The following RASAL1 variants were observed in gnomAD, a reference collection of about 807,000 sequenced individuals.
RASAL1 encodes the protein rasGAP-activating-like protein 1.
A neutral mutation model predicts 96.6 loss-of-function variants in RASAL1; 72 were observed. That is an observed-to-expected ratio of 0.75 (90% CI 0.62 to 0.91). RASAL1 has a LOEUF of 0.91. RASAL1 is among the 40% of genes least tolerant of loss of function. The probability of loss-of-function intolerance (pLI) is 0.00; values close to 1 mark genes in which losing one functional copy is unlikely to be tolerated. For synonymous variants in RASAL1, 405 were observed against 430.4 expected (o/e 0.94, Z 0.73); for missense variants, 1,016 against 1,072.5 (o/e 0.95, Z 0.74).
chr12:113,130,914 T>G lies in RASAL1; in HGVS notation c.93A>C (p.Leu31=), dbSNP rs765206681. Residue 31 remains leucine, a synonymous_variant, in exon 2 of 21, where the codon CTA becomes CTC. Coordinates refer to ENST00000548055, the MANE Select transcript of RASAL1 (RefSeq NM_001301202.2). This position sits in a 1 kb window ranked among gnomAD's most constrained non-coding sequence, Gnocchi z 5.1. The part of the protein sequence containing the change: ...DVSGSSDPYC[L]VKVDDEVVAR... ...CCACCACCTCGTCGTCCACTTTCAC[T>G]AGGCAGTAGGGGTCGCTGCTCCCAG... The G allele has an allele frequency of 7.4e-6, 12 of 1,613,468 alleles. No homozygotes were observed. The highest frequency in any genetic ancestry group is 9.3e-6 in the Non-Finnish European group (11 of 1,179,768).
intron 8 of RASAL1, 68 bp downstream of exon 8, chr12:113,117,005 G>T: frequency 7.5e-7 from 1 of 1,331,954 alleles, no homozygotes; most frequent in Non-Finnish European, 1.0e-6. Context: ...CATGGGCTCT[G>T]CCCGCAAGCT....
chr12:113,105,169 C>T (rs369912213), intron 16 of RASAL1, among the ~76,000 whole-genome samples: 22 of 152,362 alleles, frequency 1.4e-4, no homozygotes, highest in Admixed American at 9.8e-4. Context: ...GATTCCAGCA[C>T]GTGTCTCGGG....
At chr12:113,110,114 C>T (rs1329556220) in intron 13 of RASAL1, among the ~76,000 whole-genome samples, 1 of 152,176 alleles carries the variant, frequency 6.6e-6, no homozygotes, top group Non-Finnish European at 1.5e-5. Context: ...CCACTTAACA[C>T]CTCTGCTGGC....
chr12:113,127,062 TA>T lies in RASAL1; in HGVS notation c.298+749del, dbSNP rs1171366001. 1.6e-4 allele frequency among the ~76,000 whole-genome samples: 23 copies of T among 143,778 alleles called. 1 individual carries two copies. Among genetic ancestry groups the T allele is most frequent in the Admixed American group, 4.1e-4 (6 of 14,592 alleles). 94.3% of individuals were successfully genotyped at this position (143,778 alleles called of 152,430 possible). ...TTTGCTGCTGTTATTATTTTTAAAT[TA>T]TTTTTAGTAGCAATGGGGTCTCCCT... On this transcript the variant is annotated intron_variant, in intron 4 of 20. Coordinates refer to ENST00000548055, the MANE Select transcript of RASAL1 (RefSeq NM_001301202.2).
Position 113,103,934 on chromosome 12 carries a change from C to A in RASAL1, c.2104+12G>T. 1 of 1,550,066 alleles carries A rather than the reference C, an allele frequency of 6.5e-7. No homozygotes were observed. The highest frequency in any genetic ancestry group is 8.7e-7 in the Non-Finnish European group (1 of 1,151,002). On this transcript the variant is annotated intron_variant, in intron 18 of 20. Transcript: ENST00000548055. ...GGGAGGGCGGAGCCTGCAGTCCGCC[C>A]TGCCCCCTCACCTGAGCGCTCAGCC...
Position 113,115,572 on chromosome 12 carries a change from C to A in RASAL1, c.1003+63G>T. On this transcript the variant is annotated intron_variant, in intron 10 of 20. Coordinates refer to ENST00000548055, the MANE Select transcript of RASAL1 (RefSeq NM_001301202.2). The surrounding 1 kb of genome is among the most constrained non-coding windows in gnomAD (Gnocchi z 4.1). ...GCCTGAGGCCTCCCCATTCCTCCCCCAGGACCCTCCTGCAAGCCCACCATT... is the reference window on the plus strand; with the variant it reads ...GCCTGAGGCCTCCCCATTCCTCCCCAAGGACCCTCCTGCAAGCCCACCATT... The A allele has an allele frequency of 6.3e-7, 1 of 1,579,690 alleles. No individual in the cohort carries two copies. The highest frequency in any genetic ancestry group is 1.2e-5 in the South Asian group (1 of 85,444).
intron 1 of RASAL1, among the ~76,000 whole-genome samples, chr12:113,132,715 C>T (rs542840651): frequency 1.2e-4 from 18 of 152,278 alleles, no homozygotes; most frequent in African/African-American, 3.8e-4. Context: ...CCCTGTGCCT[C>T]GGTTTCCCTC....
At position 113,135,256 on chromosome 12, in the gene RASAL1, A is replaced by T; in HGVS notation, c.65+142T>A. 1 of 749,246 alleles carries T rather than the reference A, an allele frequency of 1.3e-6. No individual in the cohort carries two copies. Among genetic ancestry groups the T allele is most frequent in the Non-Finnish European group, 2.1e-6 (1 of 472,662 alleles). 46.4% of individuals were successfully genotyped at this position (749,246 alleles called of 1,614,324 possible). ...TGGGCATGCGGCCTCTCGCCCCTTT[A>T]AAGCGGAACTGCCCCAAGACCAGTC... On this transcript the variant is annotated intron_variant, in intron 1 of 20. Coordinates refer to ENST00000548055, the MANE Select transcript of RASAL1 (RefSeq NM_001301202.2). The surrounding 1 kb of genome is among the most constrained non-coding windows in gnomAD (Gnocchi z 5.7).
intron 2 of RASAL1, among the ~76,000 whole-genome samples, chr12:113,128,985 AC>A (rs1181317226): frequency 6.6e-6 from 1 of 151,886 alleles, no homozygotes; most frequent in Non-Finnish European, 1.5e-5. Context: ...ACACACACAC[AC>A]ACACACACAC....
intron 12 of RASAL1, among the ~76,000 whole-genome samples, chr12:113,114,049 G>A (rs1410284002): frequency 1.3e-5 from 2 of 152,304 alleles, no homozygotes; most frequent in African/African-American, 2.4e-5. Context: ...CTCAGTTAAC[G>A]GAGCAGAGGT....
chr12:113,130,898 C>G lies in RASAL1; in HGVS notation c.109G>C (p.Glu37Gln). ...DPYCLVKVDD[E>Q]VVARTATVWR... ...GCCACCCCTCACCTGGCCACCACCT[C>G]GTCGTCCACTTTCACTAGGCAGTAG... The change falls in exon 2 of 21, where the codon GAG becomes CAG. Residue 37 changes from glutamate (E) to glutamine (Q), a missense_variant. By Grantham distance (29) the Glu-to-Gln change is conservative (BLOSUM62 2). Transcript: ENST00000548055. The surrounding 1 kb of genome is among the most constrained non-coding windows in gnomAD (Gnocchi z 5.1). 1 of 1,613,552 alleles carries G rather than the reference C, an allele frequency of 6.2e-7. No homozygotes were observed. Among genetic ancestry groups the G allele is most frequent in the Non-Finnish European group, 8.5e-7 (1 of 1,179,754 alleles).
intron 1 of RASAL1, among the ~76,000 whole-genome samples, chr12:113,134,234 T>A (rs534643054): frequency 2.0e-5 from 3 of 152,296 alleles, no homozygotes; most frequent in South Asian, 4.1e-4. Flanking sequence ...CCAATGAGGA[T>A]GAAGGGTGGC....
chr12:113,120,926 GC>G (rs1433366974), intron 5 of RASAL1, among the ~76,000 whole-genome samples: 2 of 152,166 alleles, frequency 1.3e-5, no homozygotes, highest in Admixed American at 6.5e-5. Context: ...ATAGACATGT[GC>G]CCCAGCTTGA....
At chr12:113,126,093 C>T (rs1340340101) in intron 4 of RASAL1, among the ~76,000 whole-genome samples, 2 of 150,722 alleles carry the variant, frequency 1.3e-5, no homozygotes, top group Admixed American at 6.6e-5. Context: ...GAGACCAGCC[C>T]GGCCAACATG....
At position 113,135,368 on chromosome 12, in the gene RASAL1, C is replaced by G. The variant is rs374625798; in HGVS notation, c.65+30G>C. On this transcript the variant is annotated intron_variant, in intron 1 of 20. Coordinates refer to ENST00000548055, the MANE Select transcript of RASAL1 (RefSeq NM_001301202.2). The surrounding 1 kb of genome is among the most constrained non-coding windows in gnomAD (Gnocchi z 5.7). The stretch of plus-strand genomic sequence containing the variant: ...GCCCCACCCCAGGCCTTGCGCGCCC[C>G]TCACCCAGAAGCGCCCGAGGAGTAC... 2 of 1,595,768 alleles carry G rather than the reference C, an allele frequency of 1.3e-6. No homozygotes were observed. Among genetic ancestry groups the G allele is most frequent in the East Asian group, 2.3e-5 (1 of 43,550 alleles).
intron 1 of RASAL1, among the ~76,000 whole-genome samples, chr12:113,132,220 G>A (rs1034331390): frequency 4.0e-5 from 6 of 151,898 alleles, no homozygotes; most frequent in African/African-American, 1.5e-4. Context: ...TAATCCACCC[G>A]CCTCGGCCTC....
At position 113,104,172 on chromosome 12, in the gene RASAL1, GGTA is replaced by G. The variant is rs1667244843; in HGVS notation, c.1954_1956del (p.Tyr652del). 1 of 1,610,368 alleles carries G rather than the reference GGTA, an allele frequency of 6.2e-7. No individual in the cohort carries two copies. Among genetic ancestry groups the G allele is most frequent in the Non-Finnish European group, 8.5e-7 (1 of 1,177,794 alleles). On this transcript the variant is annotated inframe_deletion, in exon 17 of 21. Coordinates refer to ENST00000548055, the MANE Select transcript of RASAL1 (RefSeq NM_001301202.2). Reference sequence around the variant, plus strand: ...CGGTGGGGTCTCACCTTGCACTGGAGGTAGGTGGTGTGCAGCGCCCCCGTGCCG... The same window carrying G: ...CGGTGGGGTCTCACCTTGCACTGGAGGGTGGTGTGCAGCGCCCCCGTGCCG...
intron 1 of RASAL1, among the ~76,000 whole-genome samples, chr12:113,132,773 C>T (rs182170652): frequency 5.3e-5 from 8 of 152,322 alleles, no homozygotes; most frequent in African/African-American, 1.7e-4. Context: ...TCCAATGCCT[C>T]CATTTCCCTA....
intron 12 of RASAL1, among the ~76,000 whole-genome samples, chr12:113,114,516 C>CG (rs1269606880): frequency 4.0e-5 from 6 of 151,670 alleles, no homozygotes; most frequent in Non-Finnish European, 7.4e-5. Flanking sequence ...AAAGAAGCAA[C>CG]TTAACCACTG....
Sources: allele counts gnomAD v4.1 joint callset (sites outside exome capture counted in the v4.1 genomes callset), GRCh38; gene constraint gnomAD v4.1.1; non-coding constraint Gnocchi (gnomAD v3.1); transcripts MANE v1.5; gene names NCBI Gene and HGNC (gene_info 2026-07-23, HGNC 2026-07-21).